HECW2: variants seen among roughly 807,000 people sequenced by gnomAD.
The protein encoded by HECW2 is HECT, C2 and WW domain containing E3 ubiquitin protein ligase 2, also known as E3 ubiquitin-protein ligase HECW2.
In HECW2, 61 loss-of-function variants were observed where a neutral mutation model predicts 175.2. The observed-to-expected ratio is 0.35, with a 90% CI of 0.28 to 0.43. HECW2 has a LOEUF of 0.43. Among genes scored for constraint, HECW2 ranks in the 20% least tolerant of loss-of-function variants. The pLI, the probability that HECW2 is intolerant of heterozygous loss-of-function variation, is 1.00. For missense variants in HECW2, 1,524 were observed against 2,000.5 expected, an observed-to-expected ratio of 0.76 and a Z score of 4.54; for synonymous variants, 671 against 731.0, an observed-to-expected ratio of 0.92 and a Z score of 1.32.
chr2:196,503,319 T>C (rs1214254030), intron 1 of HECW2, among the ~76,000 whole-genome samples: 1 of 152,060 alleles, frequency 6.6e-6, no homozygotes, highest in Non-Finnish European at 1.5e-5. Flanking sequence ...GGTGCATACA[T>C]TCCCTTGGGC....
chr2:196,551,460 C>G (rs759068157), intron 1 of HECW2, among the ~76,000 whole-genome samples: 54 of 152,182 alleles, frequency 3.5e-4, no homozygotes, highest in Admixed American at 2.6e-3. Context: ...TTGAATCACT[C>G]TACTCTAGAA....
intron 1 of HECW2, among the ~76,000 whole-genome samples, chr2:196,463,405 C>CA (rs34754004): frequency 0.08 from 4,408 of 54,996 alleles, 168 homozygotes; most frequent in African/African-American, 0.2. Flanking sequence ...CTCTACCCTG[C>CA]AAAAAAAAAA....
chr2:196,293,712 T>A (rs189575731), intron 13 of HECW2, among the ~76,000 whole-genome samples: 7 of 152,318 alleles, frequency 4.6e-5, no homozygotes, highest in Middle Eastern at 3.4e-3. Context: ...ACACTGGCGA[T>A]GAATATGCCA....
At chr2:196,527,155 G>A (rs1157677689) in intron 1 of HECW2, among the ~76,000 whole-genome samples, 1 of 152,250 alleles carries the variant, frequency 6.6e-6, no homozygotes, top group East Asian at 1.9e-4. Context: ...GACCCTCCCA[G>A]CCAGGTGTGG....
chr2:196,480,058 T>C (rs926422568), intron 1 of HECW2, among the ~76,000 whole-genome samples: 2 of 152,098 alleles, frequency 1.3e-5, no homozygotes, highest in African/African-American at 4.8e-5. Context: ...CCCCCCAAAA[T>C]ACCTATTCTC....
Position 196,557,852 on chromosome 2 carries a change from AT to A in HECW2, c.-36+35655del, listed in dbSNP as rs537086518. On this transcript the variant is annotated intron_variant, in intron 1 of 28. Coordinates refer to ENST00000644978, the MANE Select transcript of HECW2 (RefSeq NM_001348768.2). ...TATCTGTTATTAGAGCATTTATGTG[AT>A]TTTTTTTCTTTGTTTTATTTTACAT... Among the ~76,000 whole-genome samples, 82 of 152,060 alleles carry A rather than the reference AT, an allele frequency of 5.4e-4. No individual in the cohort carries two copies. In the Middle Eastern group the frequency reaches 0.01, roughly 19 times the overall value.
chr2:196,253,876 G>T (rs779692958), intron 19 of HECW2, 44 bp downstream of exon 19: 2 of 1,578,458 alleles, frequency 1.3e-6, no homozygotes, highest in Non-Finnish European at 1.7e-6. Flanking sequence ...TGGCTTGAAG[G>T]TTCACTCCTC....
chr2:196,232,842 CAGTT>C (rs1405324987), intron 21 of HECW2, among the ~76,000 whole-genome samples: 1 of 152,156 alleles, frequency 6.6e-6, no homozygotes, highest in East Asian at 1.9e-4. Context: ...ACAGAGCTAA[CAGTT>C]AGTTCCTCTA....
chr2:196,294,424 G>T (rs888613727), intron 13 of HECW2, among the ~76,000 whole-genome samples: 1 of 152,192 alleles, frequency 6.6e-6, no homozygotes, highest in Non-Finnish European at 1.5e-5. Context: ...AGGGACACTA[G>T]ACTGAGTCTG....
chr2:196,427,743 A>C (rs1396582764), intron 2 of HECW2, among the ~76,000 whole-genome samples: 3 of 152,122 alleles, frequency 2.0e-5, no homozygotes, highest in Non-Finnish European at 4.4e-5. Flanking sequence ...TGTAATTTGG[A>C]GGTTTGGGCC....
At chr2:196,574,050 T>A (rs1174142486) in intron 1 of HECW2, among the ~76,000 whole-genome samples, 2 of 151,988 alleles carry the variant, frequency 1.3e-5, no homozygotes, top group Admixed American at 6.6e-5. Flanking sequence ...ATCAACATTA[T>A]AAAATCACTG....
chr2:196,301,824 T>C (rs915088361), intron 13 of HECW2, among the ~76,000 whole-genome samples: 4 of 152,132 alleles, frequency 2.6e-5, no homozygotes, highest in Non-Finnish European at 4.4e-5. Context: ...TTTCTCCCAT[T>C]CTGTAGGTTG....
chr2:196,291,388 GTA>G (rs1416903226), intron 14 of HECW2: 1 of 152,058 alleles, frequency 6.6e-6, no homozygotes, highest in Non-Finnish European at 1.5e-5. Context: ...ACAAAGAATA[GTA>G]TGTTTATTTA....
intron 1 of HECW2, among the ~76,000 whole-genome samples, chr2:196,458,461 T>TAC (rs1696604429): frequency 9.0e-6 from 1 of 111,030 alleles, no homozygotes; most frequent in East Asian, 3.1e-4. Flanking sequence ...CACACACACA[T>TAC]ACACACACCC....
intron 1 of HECW2, among the ~76,000 whole-genome samples, chr2:196,523,088 T>C (rs1048475031): frequency 6.6e-6 from 1 of 151,508 alleles, no homozygotes; most frequent in Admixed American, 6.6e-5. Context: ...ATTTTCACGA[T>C]ATTGATTCTT....
chr2:196,223,877 A>G (rs1687757546), intron 23 of HECW2, among the ~76,000 whole-genome samples: 1 of 152,228 alleles, frequency 6.6e-6, no homozygotes, highest in African/African-American at 2.4e-5. Flanking sequence ...TTTGAAAATC[A>G]TTTAGGAGGC....
chr2:196,327,902 G>C (rs923272157), intron 5 of HECW2, among the ~76,000 whole-genome samples: 2 of 152,080 alleles, frequency 1.3e-5, no homozygotes, highest in African/African-American at 4.8e-5. Context: ...ACTTGCAGAT[G>C]GTCATTCTCA....
chr2:196,545,994 C>G (rs554098228), intron 1 of HECW2, among the ~76,000 whole-genome samples: 2 of 152,280 alleles, frequency 1.3e-5, no homozygotes, highest in South Asian at 4.1e-4. Context: ...TCTTTGATGA[C>G]ATTTTCAATT....
intron 1 of HECW2, among the ~76,000 whole-genome samples, chr2:196,473,517 C>T (rs1186120429): frequency 1.3e-5 from 2 of 152,170 alleles, no homozygotes; most frequent in Non-Finnish European, 2.9e-5. Context: ...TAACCTACAT[C>T]CAGACCCTGA....
Sources: allele counts gnomAD v4.1 joint callset (sites outside exome capture counted in the v4.1 genomes callset), GRCh38; gene constraint gnomAD v4.1.1; transcripts MANE v1.5; gene names NCBI Gene and HGNC (gene_info 2026-07-23, HGNC 2026-07-21).